The following GALNT15 variants were observed in gnomAD, a reference collection of about 807,000 sequenced individuals.
GALNT15 encodes UDP-GalNAc transferase T15.
Under a neutral mutation model 66.8 loss-of-function variants are expected in GALNT15, and 67 were observed. That is an observed-to-expected ratio of 1.00 (90% CI 0.82 to 1.23). The LOEUF (loss-of-function observed/expected upper bound fraction) is 1.23. Among genes scored for constraint, GALNT15 ranks in the 50% most tolerant of loss-of-function variants. GALNT15 has a pLI of 0.00. For synonymous variants in GALNT15, 313 were observed against 311.5 expected (o/e 1.00, Z -0.05); for missense variants, 827 against 804.3 (o/e 1.03, Z -0.34).
chr3:16,243,587 A>G, the GALNT15 span, among the ~76,000 whole-genome samples: 1 of 152,336 alleles, frequency 6.6e-6, no homozygotes, highest in South Asian at 2.1e-4. Flanking sequence ...GACCACCCAC[A>G]TGAGGAACCA....
rs73051149 is a variant in GALNT15, at chr3:16,184,238, G to A, written c.539+8548G>A. On this transcript the variant is annotated intron_variant, in intron 1 of 9. Coordinates refer to ENST00000339732, the MANE Select transcript of GALNT15 (RefSeq NM_054110.5). The surrounding 1 kb of genome is among the most constrained non-coding windows in gnomAD (Gnocchi z 5.0). ...TAGTAAAATATTCACCGGATATTTC[G>A]TTGAAGCAGAGAAGTTAGCCTCATT... 4.4e-3 allele frequency among the ~76,000 whole-genome samples: 668 copies of A among 152,300 alleles called. 5 individuals are homozygous for A. Among genetic ancestry groups the A allele is most frequent in the Admixed American group, 0.011 (174 of 15,304 alleles).
rs745951114 is a variant in GALNT15 at position 16,175,226 on chromosome 3, C to G, written c.75C>G (p.Cys25Trp). The G allele has an allele frequency of 1.2e-6, 2 of 1,614,050 alleles. No homozygotes were observed. Among genetic ancestry groups the G allele is most frequent in the Non-Finnish European group, 8.5e-7 (1 of 1,180,030 alleles). The change falls in exon 1 of 10, where the codon TGC (cysteine) becomes TGG (tryptophan). Residue 25 changes from cysteine (C) to tryptophan (W), a missense_variant. Coordinates refer to ENST00000339732, the MANE Select transcript of GALNT15 (RefSeq NM_054110.5). The surrounding 1 kb of genome is among the most constrained non-coding windows in gnomAD (Gnocchi z 5.6). ...TCCTGCTGCTCCTGATGCTGGGATG[C>G]GTCCTGATGATGGTGGCGATGTTGC... Reference protein sequence around the residue: ...QFLLLLLMLGCVLMMVAMLHP... With the variant: ...QFLLLLLMLGWVLMMVAMLHP...
At chr3:16,206,529 C>T (rs1201419182) in intron 3 of GALNT15, among the ~76,000 whole-genome samples, 3 of 151,508 alleles carry the variant, frequency 2.0e-5, no homozygotes, top group Middle Eastern at 3.2e-3. Context: ...AAAAATTAGC[C>T]GGGCGTTGTG....
In GALNT15 at chr3:16,227,724, G is replaced by A. The variant is rs187986688; in HGVS notation, c.*224G>A. 9.4e-5 allele frequency: 129 copies of A among 1,371,354 alleles called. No individual in the cohort carries two copies. The highest frequency in any genetic ancestry group is 2.8e-4 in the Middle Eastern group (1 of 3,618). The allele number at this position is 1,371,354 out of a possible 1,614,324, so 84.9% of individuals were successfully genotyped here. A position where few individuals can be genotyped will look rare whatever the true frequency, so the allele number is the denominator to read the frequency against. On this transcript the variant is annotated 3_prime_UTR_variant, in exon 10 of 10. Transcript: ENST00000339732. The surrounding 1 kb of genome is among the most constrained non-coding windows in gnomAD (Gnocchi z 4.5). ...AAAAAAAAAAAGGATCCATTGTACC[G>A]TTGTCTTCATCACTGGGAAATGATT...
At chr3:16,215,916 A>AAACAAAAAAAAAAAAAAAAAAAAAAAAC (rs1019009823) in intron 6 of GALNT15, among the ~76,000 whole-genome samples, 5 of 143,454 alleles carry the variant, frequency 3.5e-5, no homozygotes, top group South Asian at 2.5e-4. Flanking sequence ...CAAAAAAAAA[A>AAACAAAAAAAAAAAAAAAAAAAAAAAAC]AAAAAAAAAG....
At chr3:16,234,633 C>A (rs1346051472), downstream of GALNT15, among the ~76,000 whole-genome samples, 1 of 152,244 alleles carries the variant, frequency 6.6e-6, no homozygotes, top group Non-Finnish European at 1.5e-5. Context: ...GGCTCATCTT[C>A]CAAGTAAACC....
chr3:16,185,058 T>G (rs148939130), intron 1 of GALNT15, among the ~76,000 whole-genome samples: 1 of 152,172 alleles, frequency 6.6e-6, no homozygotes. Context: ...CAAGAGGATA[T>G]GGGCAGGGGC....
chr3:16,201,923 A>G (rs1165400083), intron 3 of GALNT15, among the ~76,000 whole-genome samples: 1 of 152,228 alleles, frequency 6.6e-6, no homozygotes, highest in Non-Finnish European at 1.5e-5. Flanking sequence ...TCATGTAGGC[A>G]TGTAGCAGAG....
At chr3:16,217,709 A>C (rs1013772465) in intron 6 of GALNT15, among the ~76,000 whole-genome samples, 8 of 152,120 alleles carry the variant, frequency 5.3e-5, no homozygotes, top group Non-Finnish European at 1.0e-4. Flanking sequence ...CCTGCCCCTC[A>C]CTCAAGGTCA....
In GALNT15 at chr3:16,207,501, TAAAAAAAAAAAAAAAAAA is replaced by T. The variant is rs36127239; in HGVS notation, c.912-977_912-960del. Among the ~76,000 whole-genome samples, 10 of 39,846 alleles carry T rather than the reference TAAAAAAAAAAAAAAAAAA, an allele frequency of 2.5e-4. 1 individual carries two copies. Among genetic ancestry groups the T allele is most frequent in the African/African-American group, 9.6e-4 (9 of 9,410 alleles). 26.1% of individuals were successfully genotyped at this position (39,846 alleles called of 152,430 possible). Reference sequence around the variant, plus strand: ...ACTCTGCAGTCATATCTCCAGGCTGTAAAAAAAAAAAAAAAAAAAAAAAAAAAAAAAAAAAAAAAAAAT... The same window carrying T: ...ACTCTGCAGTCATATCTCCAGGCTGTAAAAAAAAAAAAAAAAAAAAAAAAT... On this transcript the variant is annotated intron_variant, in intron 3 of 9. Transcript: ENST00000339732.
Position 16,189,582 on chromosome 3 carries a change from C to A in GALNT15, c.540-6178C>A, listed in dbSNP as rs552818113. Among the ~76,000 whole-genome samples the A allele has an allele frequency of 5.3e-5, 8 of 152,302 alleles. No homozygotes were observed. Among genetic ancestry groups the A allele is most frequent in the African/African-American group, 1.9e-4 (8 of 41,554 alleles). Reference sequence around the variant, plus strand: ...TATTGAAAGCCTGCTGTGGACAAAGCACACAACATTTTACATAGCCCTTTA... The same window carrying A: ...TATTGAAAGCCTGCTGTGGACAAAGAACACAACATTTTACATAGCCCTTTA... On this transcript the variant is annotated intron_variant, in intron 1 of 9. Transcript: ENST00000339732. This position sits in a 1 kb window ranked among gnomAD's most constrained non-coding sequence, Gnocchi z 5.1.
Position 16,228,129 on chromosome 3 carries a change from C to A in GALNT15, c.*629C>A, listed in dbSNP as rs77324821. On this transcript the variant is annotated 3_prime_UTR_variant, in exon 10 of 10. Coordinates refer to ENST00000339732, the MANE Select transcript of GALNT15 (RefSeq NM_054110.5). ...CAGCAGCTGAAAAGCTTCAAGAGAT[C>A]TAGGAAAAGACATTTTCATGTTAAT... 1.0e-5 allele frequency: 10 copies of A among 985,976 alleles called. No homozygotes were observed. Among genetic ancestry groups the A allele is most frequent in the Non-Finnish European group, 1.2e-5 (10 of 830,048 alleles). The allele number at this position is 985,976 out of a possible 1,614,324, so 61.1% of individuals were successfully genotyped here. A position where few individuals can be genotyped will look rare whatever the true frequency, so the allele number is the denominator to read the frequency against.
In GALNT15 at chr3:16,187,593, A is replaced by G. The variant is rs1352451116; in HGVS notation, c.540-8167A>G. 6.6e-6 allele frequency among the ~76,000 whole-genome samples: 1 copy of G among 152,208 alleles called. No homozygotes were observed. Among genetic ancestry groups the G allele is most frequent in the Admixed American group, 6.5e-5 (1 of 15,284 alleles). ...TTGGGAATTCTCGAATGTCACTTCT[A>G]GTACATTCTATTGGTCTAAGGAAGG... On this transcript the variant is annotated intron_variant, in intron 1 of 9. Coordinates refer to ENST00000339732, the MANE Select transcript of GALNT15 (RefSeq NM_054110.5). The surrounding 1 kb of genome is among the most constrained non-coding windows in gnomAD (Gnocchi z 5.1).
intron 3 of GALNT15, among the ~76,000 whole-genome samples, chr3:16,207,998 C>T (rs147023183): frequency 4.9e-4 from 75 of 152,240 alleles, no homozygotes; most frequent in African/African-American, 1.6e-3. Context: ...TCATTAGTAG[C>T]AGAGCTGAGC....
rs756430327 is a variant in GALNT15 at position 16,184,652 on chromosome 3, G to T, written c.539+8962G>T. 4.6e-5 allele frequency among the ~76,000 whole-genome samples: 7 copies of T among 152,158 alleles called. No homozygotes were observed. The highest frequency in any genetic ancestry group is 8.8e-5 in the Non-Finnish European group (6 of 68,026). The stretch of plus-strand genomic sequence containing the variant: ...GCTATTAGGGGCTATCTTAGTTTAG[G>T]TTTCCCCTAAAGAAGATCCTGAAAG... On this transcript the variant is annotated intron_variant, in intron 1 of 9. Coordinates refer to ENST00000339732, the MANE Select transcript of GALNT15 (RefSeq NM_054110.5). The surrounding 1 kb of genome is among the most constrained non-coding windows in gnomAD (Gnocchi z 5.0).
At position 16,211,269 on chromosome 3, in the gene GALNT15, G is replaced by T. The variant is rs1361127730; in HGVS notation, c.1197+28G>T. The stretch of plus-strand genomic sequence containing the variant: ...ATGTCCTGGACCAAGGGAGGACAGA[G>T]GTGGGATCTCTGGAGTGGTGTGTAT... On this transcript the variant is annotated intron_variant, in intron 5 of 9. Transcript: ENST00000339732. The surrounding 1 kb of genome is among the most constrained non-coding windows in gnomAD (Gnocchi z 4.3). 2 of 1,441,512 alleles carry T rather than the reference G, an allele frequency of 1.4e-6. No homozygotes were observed. Among genetic ancestry groups the T allele is most frequent in the South Asian group, 2.3e-5 (2 of 87,512 alleles). The allele number at this position is 1,441,512 out of a possible 1,614,324, so 89.3% of individuals were successfully genotyped here. A position where few individuals can be genotyped will look rare whatever the true frequency, so the allele number is the denominator to read the frequency against.
At chr3:16,199,376 A>G (rs141926944) in intron 2 of GALNT15, among the ~76,000 whole-genome samples, 1 of 141,250 alleles carries the variant, frequency 7.1e-6, no homozygotes, top group African/African-American at 2.6e-5. Flanking sequence ...TCAGTTTTTC[A>G]TCTTCCGTTT....
At position 16,229,246 on chromosome 3, in the gene GALNT15, T is replaced by C; in HGVS notation, c.*1746T>C. 4.1e-6 allele frequency: 4 copies of C among 985,180 alleles called. No individual in the cohort carries two copies. Among genetic ancestry groups the C allele is most frequent in the Non-Finnish European group, 4.8e-6 (4 of 829,668 alleles). The allele number at this position is 985,180 out of a possible 1,614,324, so 61.0% of individuals were successfully genotyped here. A position where few individuals can be genotyped will look rare whatever the true frequency, so the allele number is the denominator to read the frequency against. On this transcript the variant is annotated 3_prime_UTR_variant, in exon 10 of 10. Transcript: ENST00000339732. ...AGTCAAGGGTTCACTGCATTTCTCC[T>C]TCCTCAGAATACACTCTGGACCTGT... is the stretch of plus-strand genomic sequence containing the variant.
At chr3:16,234,299 A>T (rs768974482), downstream of GALNT15, among the ~76,000 whole-genome samples, 12 of 152,096 alleles carry the variant, frequency 7.9e-5, no homozygotes, top group Non-Finnish European at 1.5e-4. Flanking sequence ...ACTGTCAGTT[A>T]TCTGCATTTC....
Sources: allele counts gnomAD v4.1 joint callset (sites outside exome capture counted in the v4.1 genomes callset), GRCh38; gene constraint gnomAD v4.1.1; non-coding constraint Gnocchi (gnomAD v3.1); transcripts MANE v1.5; gene names NCBI Gene and HGNC (gene_info 2026-07-23, HGNC 2026-07-21).